ANTXRL: variants seen among roughly 807,000 people sequenced by gnomAD.
The protein encoded by ANTXRL is anthrax toxin receptor-like.
A neutral mutation model predicts 75.4 loss-of-function variants in ANTXRL; 63 were observed. The observed-to-expected ratio is 0.84, with a 90% CI of 0.68 to 1.03. The LOEUF is 1.03. Among genes scored for constraint, ANTXRL ranks in the 50% least tolerant of loss-of-function variants. The pLI, the probability that ANTXRL is intolerant of heterozygous loss-of-function variation, is 0.00. For synonymous variants in ANTXRL, 335 were observed against 291.3 expected, an observed-to-expected ratio of 1.15 and a Z score of -1.53; for missense variants, 797 against 789.4, an observed-to-expected ratio of 1.01 and a Z score of -0.12.
intron 15 of ANTXRL, 91 bp downstream of exon 15, chr10:46,311,756 C>T (rs1838441359): frequency 1.7e-6 from 1 of 600,172 alleles, no homozygotes; most frequent in African/African-American, 1.9e-5. Flanking sequence ...GACCTGGGCC[C>T]TGGAGGAAGG....
chr10:46,313,530 G>A (rs1838554261), intron 16 of ANTXRL, among the ~76,000 whole-genome samples: 2 of 152,170 alleles, frequency 1.3e-5, no homozygotes, highest in Non-Finnish European at 2.9e-5. Flanking sequence ...GGCCAGGAGT[G>A]CTGGCTAGGA....
chr10:46,292,456 G>A (rs1554956777), intron 2 of ANTXRL, among the ~76,000 whole-genome samples: 2 of 152,158 alleles, frequency 1.3e-5, no homozygotes, highest in Non-Finnish European at 2.9e-5. Context: ...GAGGGTTCAA[G>A]TAGGGGGCAA....
intron 1 of ANTXRL, among the ~76,000 whole-genome samples, chr10:46,291,702 A>G (rs1836992813): frequency 6.6e-6 from 1 of 151,958 alleles, no homozygotes; most frequent in South Asian, 2.1e-4. Flanking sequence ...TTGATTTTCT[A>G]TATTTGGATT....
At chr10:46,327,300 A>G (rs1839267923) in intron 16 of ANTXRL, among the ~76,000 whole-genome samples, 1 of 151,994 alleles carries the variant, frequency 6.6e-6, no homozygotes, top group South Asian at 2.1e-4. Flanking sequence ...AGCAGTGCAG[A>G]GCTTCTCTGG....
At position 46,297,745 on chromosome 10, in the gene ANTXRL, G is replaced by C; in HGVS notation, c.655-86G>C. On this transcript the variant is annotated intron_variant, in intron 7 of 16. Transcript: ENST00000620264. ...TGACATTCTGCTGCCCCCAAAGCAT[G>C]AGGGCAAGACACTGTCTCCTGGGCC... is the stretch of plus-strand genomic sequence containing the variant. The C allele has an allele frequency of 3.3e-6, 4 of 1,220,408 alleles. No individual in the cohort carries two copies. In the South Asian group the frequency reaches 5.2e-5, roughly 16 times the overall value. 75.6% of individuals were successfully genotyped at this position (1,220,408 alleles called of 1,614,324 possible).
chr10:46,301,864 G>C (rs1191683079), intron 9 of ANTXRL, among the ~76,000 whole-genome samples: 1 of 152,212 alleles, frequency 6.6e-6, no homozygotes, highest in Non-Finnish European at 1.5e-5. Flanking sequence ...TGGAATGCGT[G>C]GGGCCTGGGC....
At chr10:46,328,861 G>T (rs1554966953) in intron 16 of ANTXRL, among the ~76,000 whole-genome samples, 1 of 152,056 alleles carries the variant, frequency 6.6e-6, no homozygotes, top group Non-Finnish European at 1.5e-5. Flanking sequence ...ACTTGCCTGA[G>T]GTCAGAGGCT....
At position 46,287,285 on chromosome 10, in the gene ANTXRL, G is replaced by C. The variant is rs1836802837; in HGVS notation, c.23G>C (p.Gly8Ala). Reference protein sequence around the residue: MGSHESLGPYFLVFLLLL... With the variant: MGSHESLAPYFLVFLLLL... ...ATAATGGGGAGCCATGAGTCCCTGG[G>C]GCCCTACTTCCTGGTCTTCCTGCTG... The change falls in exon 1 of 17, where the codon GGG becomes GCG. Residue 8 changes from glycine (G) to alanine (A), a missense_variant. Transcript: ENST00000620264. 1 of 1,535,768 alleles carries C rather than the reference G, an allele frequency of 6.5e-7. No homozygotes were observed. The highest frequency in any genetic ancestry group is 1.4e-5 in the African/African-American group (1 of 72,996).
chr10:46,294,778 A>G (rs1411956063), intron 3 of ANTXRL, among the ~76,000 whole-genome samples: 4 of 152,114 alleles, frequency 2.6e-5, no homozygotes, highest in African/African-American at 7.2e-5. Flanking sequence ...GAGGAAGGCC[A>G]GGGCATGGCC....
chr10:46,297,550 C>T (rs1837456101), intron 7 of ANTXRL, 76 bp downstream of exon 7: 7 of 1,453,750 alleles, frequency 4.8e-6, no homozygotes, highest in African/African-American at 1.4e-5. Context: ...CGGGCCACCC[C>T]AAGGACGGTT....
intron 11 of ANTXRL, 36 bp from the exon 12 acceptor site, chr10:46,307,366 G>A: frequency 7.0e-7 from 1 of 1,431,686 alleles, no homozygotes; most frequent in Non-Finnish European, 9.5e-7. Context: ...CATCTCTCTG[G>A]ACTGGCTCTC....
intron 14 of ANTXRL, 110 bp downstream of exon 14, chr10:46,310,609 A>G (rs1420113740): frequency 2.3e-5 from 28 of 1,198,378 alleles, no homozygotes; most frequent in Non-Finnish European, 3.2e-5. Context: ...TTGAGCAGAG[A>G]AGTTGACAGA....
At chr10:46,329,540 C>G in intron 16 of ANTXRL, 59 bp from the exon 17 acceptor site, 1 of 1,506,888 alleles carries the variant, frequency 6.6e-7, no homozygotes, top group Non-Finnish European at 8.8e-7. Context: ...CAACCGCAGC[C>G]TTCTGAGCCC....
chr10:46,313,432 G>C, intron 16 of ANTXRL, 116 bp downstream of exon 16: 1 of 1,073,034 alleles, frequency 9.3e-7, no homozygotes. Context: ...AAAAGAGGAC[G>C]GCACAAGACA....
At chr10:46,301,204 C>T (rs536251100) in intron 9 of ANTXRL, among the ~76,000 whole-genome samples, 1 of 152,350 alleles carries the variant, frequency 6.6e-6, no homozygotes, top group South Asian at 2.1e-4. Context: ...AGCCTAGTGT[C>T]TGGCTGGCCA....
At chr10:46,325,954 G>A (rs1839190880) in intron 16 of ANTXRL, among the ~76,000 whole-genome samples, 1 of 152,042 alleles carries the variant, frequency 6.6e-6, no homozygotes, top group Non-Finnish European at 1.5e-5. Context: ...AAATTCCTCA[G>A]TAAACCCTTG....
At chr10:46,290,158 T>G (rs1230771217) in intron 1 of ANTXRL, among the ~76,000 whole-genome samples, 1 of 148,922 alleles carries the variant, frequency 6.7e-6, no homozygotes, top group Admixed American at 6.8e-5. Flanking sequence ...TCTCCCTGCA[T>G]CAGCCTCCTG....
chr10:46,291,911 G>A, intron 1 of ANTXRL, 147 bp from the exon 2 acceptor site: 1 of 690,166 alleles, frequency 1.4e-6, no homozygotes, highest in South Asian at 1.8e-5. Flanking sequence ...GGATGATCCA[G>A]TGGCCACTGG....
chr10:46,308,576 A>G (rs1252965821), intron 12 of ANTXRL: 1 of 397,408 alleles, frequency 2.5e-6, no homozygotes, highest in Non-Finnish European at 5.1e-6. Flanking sequence ...CGTTGCTTAT[A>G]CCCCATGTGG....
Sources: allele counts gnomAD v4.1 joint callset (sites outside exome capture counted in the v4.1 genomes callset), GRCh38; gene constraint gnomAD v4.1.1; transcripts MANE v1.5; gene names NCBI Gene and HGNC (gene_info 2026-07-23, HGNC 2026-07-21).